NSMCE2: variants seen among roughly 807,000 people sequenced by gnomAD.
NSMCE2 encodes the protein E3 SUMO-protein ligase NSE2.
A neutral mutation model predicts 23.8 loss-of-function variants in NSMCE2; 24 were observed. The ratio of observed to expected loss-of-function variants is 1.01; its 90% confidence interval spans 0.73 to 1.42. The LOEUF is 1.42. Among genes scored for constraint, NSMCE2 ranks in the 40% most tolerant of loss-of-function variants. The probability of loss-of-function intolerance (pLI) is 0.00; values close to 1 mark genes in which losing one functional copy is unlikely to be tolerated. For missense variants in NSMCE2, 284 were observed against 296.5 expected (o/e 0.96, Z 0.31); for synonymous variants, 92 against 94.1 (o/e 0.98, Z 0.13).
intron 5 of NSMCE2, among the ~76,000 whole-genome samples, chr8:125,265,893 CTTT>C (rs1242604089): frequency 6.6e-6 from 1 of 151,924 alleles, no homozygotes. Context: ...CCTTTCTGTA[CTTT>C]TTTTTCCTGT....
At chr8:125,147,241 T>A (rs909691419) in intron 3 of NSMCE2, among the ~76,000 whole-genome samples, 2 of 152,256 alleles carry the variant, frequency 1.3e-5, no homozygotes, top group Non-Finnish European at 2.9e-5. Flanking sequence ...AGTGAAGTTA[T>A]ATCATATGTC....
chr8:125,232,246 G>A (rs6997658), intron 5 of NSMCE2, among the ~76,000 whole-genome samples: 14,681 of 151,838 alleles, frequency 0.097, 911 homozygotes, highest in South Asian at 0.17. Context: ...GCCTGTAATC[G>A]CAGCTACTCG....
intron 4 of NSMCE2, among the ~76,000 whole-genome samples, chr8:125,173,653 G>A (rs1822334538): frequency 6.6e-6 from 1 of 152,164 alleles, no homozygotes; most frequent in South Asian, 2.1e-4. Context: ...CAGAGGTATG[G>A]TGGACAGGAA....
At chr8:125,267,786 A>T (rs1180787961) in intron 5 of NSMCE2, among the ~76,000 whole-genome samples, 1 of 152,142 alleles carries the variant, frequency 6.6e-6, no homozygotes, top group Non-Finnish European at 1.5e-5. Context: ...AAAAAATAGT[A>T]ATCGGTACTT....
intron 3 of NSMCE2, among the ~76,000 whole-genome samples, chr8:125,107,015 A>G (rs1426369633): frequency 6.6e-6 from 1 of 151,972 alleles, no homozygotes; most frequent in African/African-American, 2.4e-5. Flanking sequence ...ACAACAAAAA[A>G]AAACTTTCAT....
chr8:125,326,249 T>C (rs1829661139), intron 5 of NSMCE2, among the ~76,000 whole-genome samples: 2 of 151,814 alleles, frequency 1.3e-5, no homozygotes, highest in African/African-American at 4.8e-5. Flanking sequence ...AGAGTGAGAC[T>C]CCATCTCAAA....
chr8:125,328,152 T>A (rs1586776389), intron 5 of NSMCE2, among the ~76,000 whole-genome samples: 1 of 31,846 alleles, frequency 3.1e-5, no homozygotes, highest in Admixed American at 4.4e-4. Context: ...CTCACTGGCC[T>A]TTTTTTTTTT....
intron 5 of NSMCE2, among the ~76,000 whole-genome samples, chr8:125,260,252 T>C (rs1292504264): frequency 2.0e-5 from 3 of 152,168 alleles, no homozygotes; most frequent in African/African-American, 7.2e-5. Context: ...TGGAAGAATC[T>C]AGTTCCTTAG....
intron 3 of NSMCE2, among the ~76,000 whole-genome samples, chr8:125,131,712 A>T (rs1354740405): frequency 6.6e-6 from 1 of 152,152 alleles, no homozygotes; most frequent in African/African-American, 2.4e-5. Context: ...GGCACCTGGG[A>T]TGTATATTTT....
At chr8:125,207,546 T>C (rs1292168696) in intron 5 of NSMCE2, among the ~76,000 whole-genome samples, 1 of 152,244 alleles carries the variant, frequency 6.6e-6, no homozygotes, top group Non-Finnish European at 1.5e-5. Flanking sequence ...ATTAGTATTG[T>C]GACACCATTT....
intron 5 of NSMCE2, among the ~76,000 whole-genome samples, chr8:125,276,571 A>G (rs550650595): frequency 6.6e-5 from 10 of 152,304 alleles, no homozygotes; most frequent in African/African-American, 2.4e-4. Context: ...GCAGACGCAT[A>G]TGGTTATTAT....
chr8:125,348,188 A>C (rs1812861918), intron 5 of NSMCE2: 1 of 152,202 alleles, frequency 6.6e-6, no homozygotes, highest in Non-Finnish European at 1.5e-5. Flanking sequence ...TAATAATAGC[A>C]GTAACAATTT....
At chr8:125,324,541 A>G (rs1219714519) in intron 5 of NSMCE2, among the ~76,000 whole-genome samples, 1 of 142,172 alleles carries the variant, frequency 7.0e-6, no homozygotes, top group Non-Finnish European at 1.5e-5. Flanking sequence ...AAAAAAGAGC[A>G]TATCCTATGT....
At chr8:125,226,572 T>A (rs1825105262) in intron 5 of NSMCE2, among the ~76,000 whole-genome samples, 1 of 152,156 alleles carries the variant, frequency 6.6e-6, no homozygotes, top group African/African-American at 2.4e-5. Flanking sequence ...TCAGGCCTTG[T>A]GATCCACTCG....
intron 5 of NSMCE2, among the ~76,000 whole-genome samples, chr8:125,226,822 T>G (rs1825117038): frequency 6.6e-6 from 1 of 152,104 alleles, no homozygotes; most frequent in Non-Finnish European, 1.5e-5. Context: ...TCCTCCCTGT[T>G]TGACAGTCTG....
At position 125,173,042 on chromosome 8, in the gene NSMCE2, C is replaced by G. The variant is rs193255180; in HGVS notation, c.265-9061C>G. ...GTCAAACCAACAGGTGTTCCAGGTTCCAGACACACACCTCCCTTCTCTCAT... is the reference window on the plus strand; with the variant it reads ...GTCAAACCAACAGGTGTTCCAGGTTGCAGACACACACCTCCCTTCTCTCAT... On this transcript the variant is annotated intron_variant, in intron 4 of 7. Coordinates refer to ENST00000287437, the MANE Select transcript of NSMCE2 (RefSeq NM_173685.4). 2.0e-5 allele frequency among the ~76,000 whole-genome samples: 3 copies of G among 152,304 alleles called. No homozygotes were observed. In the East Asian group the frequency reaches 5.8e-4, roughly 29 times the overall value.
chr8:125,336,986 A>G (rs1325050738), intron 5 of NSMCE2, among the ~76,000 whole-genome samples: 1 of 152,228 alleles, frequency 6.6e-6, no homozygotes, highest in Non-Finnish European at 1.5e-5. Flanking sequence ...ATATCCCAAC[A>G]TCTGATCCTC....
chr8:125,246,283 A>G (rs927598889), intron 5 of NSMCE2, among the ~76,000 whole-genome samples: 1 of 151,388 alleles, frequency 6.6e-6, no homozygotes, highest in Non-Finnish European at 1.5e-5. Context: ...TCCCAGGTTC[A>G]AGCAATTCTC....
intron 5 of NSMCE2, among the ~76,000 whole-genome samples, chr8:125,192,385 T>C (rs1205046312): frequency 1.3e-5 from 2 of 151,696 alleles, no homozygotes; most frequent in African/African-American, 4.8e-5. Flanking sequence ...TAGTGCGTGG[T>C]GTGTTATTGT....
Sources: gnomAD v4.1 joint callset for allele counts (sites outside exome capture counted in the v4.1 genomes callset) on GRCh38, gnomAD v4.1.1 for gene constraint, MANE v1.5 for transcripts, NCBI Gene and HGNC (gene_info 2026-07-23, HGNC 2026-07-21) for gene names.